CEP128: variants seen among roughly 807,000 people sequenced by gnomAD.
CEP128 encodes the protein centrosomal protein 128, also known as centrosomal protein 128kDa.
Under a neutral mutation model 156.7 loss-of-function variants are expected in CEP128, and 132 were observed. The ratio of observed to expected loss-of-function variants is 0.84; its 90% CI spans 0.73 to 0.97. The LOEUF is 0.97. CEP128 is among the 50% of genes least tolerant of loss of function. The pLI is 0.00. For missense variants in CEP128, 1,252 were observed against 1,281.9 expected (o/e 0.98, Z 0.36); for synonymous variants, 469 against 448.9 (o/e 1.04, Z -0.57).
In CEP128 at chr14:80,778,113, C is replaced by T. The variant is rs573581624; in HGVS notation, c.2212-67G>A. 3,093 of 1,310,772 alleles carry T rather than the reference C, an allele frequency of 2.4e-3. 4 individuals are homozygous for T. Among genetic ancestry groups the T allele is most frequent in the Non-Finnish European group, 3.2e-3 (2,939 of 931,102 alleles). The allele number at this position is 1,310,772 out of a possible 1,614,324, so 81.2% of individuals were successfully genotyped here. On this transcript the variant is annotated intron_variant, in intron 15 of 24. Transcript: ENST00000555265. Reference sequence around the variant, plus strand: ...TAGCCAAAATACACCAAACACATTACATATTTTATCAGTGGAAAAACACTG... The same window carrying T: ...TAGCCAAAATACACCAAACACATTATATATTTTATCAGTGGAAAAACACTG...
intron 13 of CEP128, among the ~76,000 whole-genome samples, chr14:80,825,442 A>C (rs941652946): frequency 6.6e-6 from 1 of 152,244 alleles, no homozygotes; most frequent in Non-Finnish European, 1.5e-5. Flanking sequence ...CATGAGGCAG[A>C]AATTATTACG....
intron 18 of CEP128, among the ~76,000 whole-genome samples, chr14:80,751,716 G>A (rs1291244031): frequency 6.8e-6 from 1 of 147,282 alleles, no homozygotes; most frequent in Non-Finnish European, 1.5e-5. Flanking sequence ...TACAACCTTT[G>A]CCTCCTGGGT....
chr14:80,895,616 C>T, intron 8 of CEP128, 102 bp downstream of exon 8: 1 of 702,394 alleles, frequency 1.4e-6, no homozygotes. Flanking sequence ...ATGGGACATA[C>T]CACCCAAAAG....
chr14:80,558,585 G>A (rs1450882133), intron 21 of CEP128, among the ~76,000 whole-genome samples: 1 of 151,974 alleles, frequency 6.6e-6, no homozygotes, highest in Non-Finnish European at 1.5e-5. Context: ...ACCGCGCCTG[G>A]CCAATTTTTG....
chr14:80,681,541 A>T (rs538152504), intron 19 of CEP128, among the ~76,000 whole-genome samples: 1 of 152,332 alleles, frequency 6.6e-6, no homozygotes, highest in East Asian at 1.9e-4. Flanking sequence ...GGGAGGGAGC[A>T]GGTGGGAGGT....
At chr14:80,633,629 C>A (rs1259656754) in intron 19 of CEP128, among the ~76,000 whole-genome samples, 1 of 152,204 alleles carries the variant, frequency 6.6e-6, no homozygotes, top group African/African-American at 2.4e-5. Flanking sequence ...TATTCCCACA[C>A]CTAGGACAAG....
intron 19 of CEP128, among the ~76,000 whole-genome samples, chr14:80,683,387 G>C (rs1896399130): frequency 6.6e-6 from 1 of 152,078 alleles, no homozygotes; most frequent in South Asian, 2.1e-4. Context: ...GGTACATAAA[G>C]ACAAAGGGCT....
intron 19 of CEP128, among the ~76,000 whole-genome samples, chr14:80,721,751 T>TAAATAA (rs2139463494): frequency 6.6e-6 from 1 of 152,300 alleles, no homozygotes; most frequent in African/African-American, 2.4e-5. Flanking sequence ...AGGATATAAA[T>TAAATAA]AAATAAACAG....
chr14:80,905,266 A>G (rs1339991112), intron 5 of CEP128, among the ~76,000 whole-genome samples: 2 of 152,024 alleles, frequency 1.3e-5, no homozygotes, highest in Non-Finnish European at 2.9e-5. Flanking sequence ...ATATAACTTA[A>G]TACTAAAAAA....
At chr14:80,537,129 G>T (rs1236832446) in intron 21 of CEP128, among the ~76,000 whole-genome samples, 1 of 152,106 alleles carries the variant, frequency 6.6e-6, no homozygotes, top group Non-Finnish European at 1.5e-5. Context: ...TGAAAACTGA[G>T]ATACAGAAGG....
chr14:80,596,425 C>G (rs1166881116), intron 19 of CEP128, among the ~76,000 whole-genome samples: 4 of 151,836 alleles, frequency 2.6e-5, no homozygotes, highest in Non-Finnish European at 4.4e-5. Context: ...ACAAAAAAAC[C>G]TATAAATAGA....
chr14:80,822,474 G>T, intron 13 of CEP128: 2 of 563,198 alleles, frequency 3.6e-6, no homozygotes, highest in Non-Finnish European at 3.4e-6. Context: ...ACCAACCAAA[G>T]CCCGTGCACC....
intron 19 of CEP128, among the ~76,000 whole-genome samples, chr14:80,675,997 T>C (rs930728732): frequency 2.6e-5 from 4 of 152,174 alleles, no homozygotes; most frequent in African/African-American, 4.8e-5. Context: ...CATGAAATGC[T>C]ATCTTTGTTC....
chr14:80,943,918 T>C (rs4899783), upstream of CEP128, among the ~76,000 whole-genome samples: 84,126 of 150,766 alleles, frequency 0.56, 23,930 homozygotes, highest in East Asian at 0.7. Context: ...CATTTGAACC[T>C]GGGAGGTGGA....
chr14:80,928,074 T>A (rs140434291), intron 2 of CEP128, among the ~76,000 whole-genome samples: 1 of 152,124 alleles, frequency 6.6e-6, no homozygotes, highest in African/African-American at 2.4e-5. Context: ...CAATCAACTA[T>A]AAACATTAAA....
chr14:80,767,077 G>A (rs147287890), intron 16 of CEP128, among the ~76,000 whole-genome samples: 1,587 of 152,188 alleles, frequency 0.01, 15 homozygotes, highest in Middle Eastern at 0.051. Context: ...GATCTGTCTG[G>A]AAACCATTTA....
At chr14:80,626,279 A>G (rs554182314) in intron 19 of CEP128, among the ~76,000 whole-genome samples, 1 of 151,620 alleles carries the variant, frequency 6.6e-6, no homozygotes, top group East Asian at 1.9e-4. Context: ...CCTGGCTAAC[A>G]AGGTGAAACC....
intron 19 of CEP128, among the ~76,000 whole-genome samples, chr14:80,606,583 T>C (rs1216139483): frequency 6.6e-6 from 1 of 152,276 alleles, no homozygotes; most frequent in Non-Finnish European, 1.5e-5. Flanking sequence ...TTTAGGCTTA[T>C]GAAACAGAGA....
intron 20 of CEP128, among the ~76,000 whole-genome samples, chr14:80,574,249 T>G (rs1428594750): frequency 6.6e-6 from 1 of 152,182 alleles, no homozygotes; most frequent in Non-Finnish European, 1.5e-5. Context: ...TGAGATCCAG[T>G]GAGAGAGCAG....
Sources: allele counts gnomAD v4.1 joint callset (sites outside exome capture counted in the v4.1 genomes callset), GRCh38; gene constraint gnomAD v4.1.1; transcripts MANE v1.5; gene names NCBI Gene and HGNC (gene_info 2026-07-23, HGNC 2026-07-21).